KCNQ1OT1: variants seen among roughly 807,000 people sequenced by gnomAD.
KCNQ1OT1 encodes KCNQ1 antisense RNA 2 (non-protein coding).
exon 1 of KCNQ1OT1, chr11:2,619,190 G>A (rs77402029): frequency 4.0e-5 from 16 of 398,186 alleles, no homozygotes; most frequent in African/African-American, 2.5e-4. Flanking sequence ...CTGTTTGGTT[G>A]TACTAGTACT....
exon 1 of KCNQ1OT1, chr11:2,630,561 T>C (rs1187744503): frequency 5.0e-6 from 2 of 398,194 alleles, no homozygotes; most frequent in African/African-American, 4.1e-5. Flanking sequence ...ATGAAAACAA[T>C]AGTAATTTTT....
exon 1 of KCNQ1OT1, chr11:2,693,889 C>A (rs1324260251): frequency 1.5e-5 from 6 of 398,666 alleles, no homozygotes; most frequent in Non-Finnish European, 2.2e-5. Context: ...AAACCCTACT[C>A]GTCCTCCTCC....
At position 2,617,314 on chromosome 11, in the gene KCNQ1OT1, G is replaced by A. The variant is rs1849083593; in HGVS notation, n.82681C>T. The A allele has an allele frequency of 2.5e-6, 1 of 398,066 alleles. No individual in the cohort carries two copies. The highest frequency in any genetic ancestry group is 4.4e-5 in the Admixed American group (1 of 22,688). 24.7% of individuals were successfully genotyped at this position (398,066 alleles called of 1,614,324 possible). ...TTTCTTTTTAAGATTCTACATATAG[G>A]TGAGATTATTTAAAACTTTTCATTT... On this transcript the variant is annotated non_coding_transcript_exon_variant, in exon 1 of 1. Coordinates refer to ENST00000597346, the Ensembl canonical transcript of KCNQ1OT1. The surrounding 1 kb of genome is among the most constrained non-coding windows in gnomAD (Gnocchi z 4.6).
At chr11:2,629,593 T>C in exon 1 of KCNQ1OT1, 1 of 398,512 alleles carries the variant, frequency 2.5e-6, no homozygotes, top group Non-Finnish European at 4.4e-6. Flanking sequence ...AGAGAATCCA[T>C]TTGCCATTGA....
rs184655467 is a variant in KCNQ1OT1, at chr11:2,658,251, T to C, written n.41744A>G. ...TTTCCTGCAGCAAATATTACCGTGA[T>C]GTACTTCTATTTTCCTCATTCCTTC... On this transcript the variant is annotated non_coding_transcript_exon_variant, in exon 1 of 1. Coordinates refer to ENST00000597346, the Ensembl canonical transcript of KCNQ1OT1. This position sits in a 1 kb window ranked among gnomAD's most constrained non-coding sequence, Gnocchi z 4.9. 138 of 398,636 alleles carry C rather than the reference T, an allele frequency of 3.5e-4. No homozygotes were observed. The highest frequency in any genetic ancestry group is 3.5e-3 in the East Asian group (97 of 28,070). The allele number at this position is 398,636 out of a possible 1,614,324, so 24.7% of individuals were successfully genotyped here.
Position 2,682,862 on chromosome 11 carries a change from G to C in KCNQ1OT1, n.17133C>G. 1 of 398,606 alleles carries C rather than the reference G, an allele frequency of 2.5e-6. No homozygotes were observed. The highest frequency in any genetic ancestry group is 3.6e-5 in the East Asian group (1 of 28,074). The allele number at this position is 398,606 out of a possible 1,614,324, so 24.7% of individuals were successfully genotyped here. The stretch of plus-strand genomic sequence containing the variant: ...AGACCATCTCAGTTTTGTAGACCAG[G>C]AAACTGAGGCTTGGGGATAGCAGAT... On this transcript the variant is annotated non_coding_transcript_exon_variant, in exon 1 of 1. Coordinates refer to ENST00000597346, the Ensembl canonical transcript of KCNQ1OT1. The surrounding 1 kb of genome is among the most constrained non-coding windows in gnomAD (Gnocchi z 5.8).
chr11:2,671,865 C>G lies in KCNQ1OT1; in HGVS notation n.28130G>C. The G allele has an allele frequency of 2.5e-6, 1 of 398,706 alleles. No individual in the cohort carries two copies. The highest frequency in any genetic ancestry group is 4.4e-6 in the Non-Finnish European group (1 of 226,122). The allele number at this position is 398,706 out of a possible 1,614,324, so 24.7% of individuals were successfully genotyped here. ...GAGCCTTCTGCCCCAGGGAGCCAAG[C>G]CCTGGAGAGGAGGTGGGCAGCACCA... On this transcript the variant is annotated non_coding_transcript_exon_variant, in exon 1 of 1. Transcript: ENST00000597346. The surrounding 1 kb of genome is among the most constrained non-coding windows in gnomAD (Gnocchi z 4.7).
chr11:2,678,959 CA>C lies in KCNQ1OT1; in HGVS notation n.21035del, dbSNP rs1338902255. The C allele has an allele frequency of 2.5e-6, 1 of 398,388 alleles. No individual in the cohort carries two copies. Among genetic ancestry groups the C allele is most frequent in the African/African-American group, 2.1e-5 (1 of 48,576 alleles). The allele number at this position is 398,388 out of a possible 1,614,324, so 24.7% of individuals were successfully genotyped here. On this transcript the variant is annotated non_coding_transcript_exon_variant, in exon 1 of 1. Coordinates refer to ENST00000597346, the Ensembl canonical transcript of KCNQ1OT1. This position sits in a 1 kb window ranked among gnomAD's most constrained non-coding sequence, Gnocchi z 4.9. ...CTGAATTTGCTAACTCAATAGAGAA[CA>C]AAAGAGCAAATAGGCCTAATTCAAG...
chr11:2,647,165 CTTTTT>C lies in KCNQ1OT1; in HGVS notation n.52825_52829del, dbSNP rs141799528. 3 of 380,128 alleles carry C rather than the reference CTTTTT, an allele frequency of 7.9e-6. No homozygotes were observed. Among genetic ancestry groups the C allele is most frequent in the South Asian group, 1.3e-4 (1 of 7,482 alleles). The allele number at this position is 380,128 out of a possible 1,614,324, so 23.5% of individuals were successfully genotyped here. ...TTCCTTCTAGACATTATGTGATGAG[CTTTTT>C]TTTTTATCATGAAGAGATTTTGAAT... On this transcript the variant is annotated non_coding_transcript_exon_variant, in exon 1 of 1. Transcript: ENST00000597346. The surrounding 1 kb of genome is among the most constrained non-coding windows in gnomAD (Gnocchi z 4.0).
exon 1 of KCNQ1OT1, chr11:2,640,690 A>C: frequency 5.0e-6 from 2 of 398,528 alleles, no homozygotes; most frequent in Middle Eastern, 6.3e-4. Flanking sequence ...ATAGTTAGGA[A>C]CATTTCAAGT....
Position 2,683,644 on chromosome 11 carries a change from G to T in KCNQ1OT1, n.16351C>A. The T allele has an allele frequency of 2.5e-6, 1 of 398,624 alleles. No individual in the cohort carries two copies. Among genetic ancestry groups the T allele is most frequent in the South Asian group, 1.3e-4 (1 of 7,856 alleles). The allele number at this position is 398,624 out of a possible 1,614,324, so 24.7% of individuals were successfully genotyped here. The stretch of plus-strand genomic sequence containing the variant: ...CAACTGGGCCCTGCATCTGCTGCAA[G>T]GAACATCCCTTACTTTCCCATCTCA... On this transcript the variant is annotated non_coding_transcript_exon_variant, in exon 1 of 1. Coordinates refer to ENST00000597346, the Ensembl canonical transcript of KCNQ1OT1. The surrounding 1 kb of genome is among the most constrained non-coding windows in gnomAD (Gnocchi z 4.7).
exon 1 of KCNQ1OT1, chr11:2,686,643 CAG>C (rs1481697983): frequency 2.5e-6 from 1 of 398,454 alleles, no homozygotes; most frequent in African/African-American, 2.1e-5. Context: ...CCAGGCTGCA[CAG>C]AGCATGGCCG....
chr11:2,690,662 A>G lies in KCNQ1OT1; in HGVS notation n.9333T>C. ...GCGTATTTGTCAGTGTATGTGTGTC[A>G]GTGCACATAGGTATAGGGGCTGTCT... On this transcript the variant is annotated non_coding_transcript_exon_variant, in exon 1 of 1. Coordinates refer to ENST00000597346, the Ensembl canonical transcript of KCNQ1OT1. The surrounding 1 kb of genome is among the most constrained non-coding windows in gnomAD (Gnocchi z 5.1). 2.5e-6 allele frequency: 1 copy of G among 398,650 alleles called. No homozygotes were observed. Among genetic ancestry groups the G allele is most frequent in the Non-Finnish European group, 4.4e-6 (1 of 226,072 alleles). The allele number at this position is 398,650 out of a possible 1,614,324, so 24.7% of individuals were successfully genotyped here.
At chr11:2,666,995 G>A (rs894160557) in exon 1 of KCNQ1OT1, 1 of 398,712 alleles carries the variant, frequency 2.5e-6, no homozygotes. Context: ...GCTGTACAGG[G>A]CTGCATGAGT....
chr11:2,627,136 C>T lies in KCNQ1OT1; in HGVS notation n.72859G>A. On this transcript the variant is annotated non_coding_transcript_exon_variant, in exon 1 of 1. Coordinates refer to ENST00000597346, the Ensembl canonical transcript of KCNQ1OT1. This position sits in a 1 kb window ranked among gnomAD's most constrained non-coding sequence, Gnocchi z 4.9. ...TTTTCATTGTACAAGACTTTCACCT[C>T]CTTGGTAAAGTTGGTTCCTAAGTTT... 2.5e-6 allele frequency: 1 copy of T among 398,448 alleles called. No individual in the cohort carries two copies. The highest frequency in any genetic ancestry group is 4.4e-6 in the Non-Finnish European group (1 of 226,020). The allele number at this position is 398,448 out of a possible 1,614,324, so 24.7% of individuals were successfully genotyped here.
At chr11:2,667,792 G>A (rs1437830519) in exon 1 of KCNQ1OT1, 4 of 398,590 alleles carry the variant, frequency 1.0e-5, no homozygotes, top group Non-Finnish European at 1.8e-5. Flanking sequence ...ACCTAATTAG[G>A]CTCACCTGGG....
At chr11:2,643,332 G>A (rs1564843015) in exon 1 of KCNQ1OT1, 2 of 398,354 alleles carry the variant, frequency 5.0e-6, no homozygotes, top group East Asian at 7.1e-5. Context: ...ATATATCTGG[G>A]TGCTTTGGTG....
rs1157869118 is a variant in KCNQ1OT1 at position 2,652,485 on chromosome 11, C to T, written n.47510G>A. The T allele has an allele frequency of 5.0e-6, 2 of 398,506 alleles. No homozygotes were observed. Among genetic ancestry groups the T allele is most frequent in the Non-Finnish European group, 8.8e-6 (2 of 226,074 alleles). 24.7% of individuals were successfully genotyped at this position (398,506 alleles called of 1,614,324 possible). On this transcript the variant is annotated non_coding_transcript_exon_variant, in exon 1 of 1. Transcript: ENST00000597346. The surrounding 1 kb of genome is among the most constrained non-coding windows in gnomAD (Gnocchi z 5.9). ...GACCTCCAGAAACTTTCCTCCCCAC[C>T]TCTCCAGAGGTTTCTGGGGAATGTC... is the stretch of plus-strand genomic sequence containing the variant.
exon 1 of KCNQ1OT1, chr11:2,685,122 G>A (rs940906017): frequency 3.0e-5 from 12 of 398,512 alleles, no homozygotes; most frequent in African/African-American, 1.4e-4. Flanking sequence ...GGGGTCTGAT[G>A]GTCAGAGCTA....
Sources: gnomAD v4.1 joint callset for allele counts on GRCh38, gnomAD v4.1.1 for gene constraint, Gnocchi (gnomAD v3.1) non-coding constraint, MANE v1.5 for transcripts, NCBI Gene and HGNC (gene_info 2026-07-23, HGNC 2026-07-21) for gene names.